The following BTBD8 variants were observed in gnomAD, a reference collection of about 807,000 sequenced individuals.
The protein encoded by BTBD8 is BTB domain containing 8.
Under a neutral mutation model 162.9 loss-of-function variants are expected in BTBD8, and 110 were observed. The observed-to-expected ratio is 0.68, with a 90% CI of 0.58 to 0.79. BTBD8 has a LOEUF of 0.79. BTBD8 is among the 30% of genes least tolerant of loss of function. The pLI, the probability that BTBD8 is intolerant of heterozygous loss-of-function variation, is 0.00. For missense variants in BTBD8, 1,905 were observed against 2,085.4 expected (o/e 0.91, Z 1.68); for synonymous variants, 667 against 716.1 (o/e 0.93, Z 1.10).
At chr1:92,102,745 C>G in intron 3 of BTBD8, 76 bp downstream of exon 3, 3 of 1,247,390 alleles carry the variant, frequency 2.4e-6, no homozygotes, top group Non-Finnish European at 3.1e-6. Context: ...GAAAAGCATA[C>G]TTCAAAAATA....
chr1:92,148,761 C>G (rs924419996), intron 9 of BTBD8, among the ~76,000 whole-genome samples: 2 of 152,134 alleles, frequency 1.3e-5, no homozygotes, highest in African/African-American at 4.8e-5. Flanking sequence ...TGTGGGGACA[C>G]AAGTATTGAT....
In BTBD8 at chr1:92,182,161, A is replaced by T; in HGVS notation, c.4478A>T (p.Glu1493Val). ...TCYSRFSRES[E>V]DNILECKQNK... is the part of the protein sequence containing the mutation. ...TATTCCAGATTCTCACGAGAAAGTG[A>T]AGATAATATTTTAGAATGTAAACAA... The change falls in exon 17 of 18, where the codon GAA becomes GTA. Residue 1493 changes from glutamate to valine, a missense_variant. Around this residue, in one of 3 missense-constraint regions of BTBD8, gnomAD observed 517 missense variants for 606.6 expected, o/e 0.85. Coordinates refer to ENST00000636805, the MANE Select transcript of BTBD8 (RefSeq NM_001376131.1). 2 of 1,551,120 alleles carry T rather than the reference A, an allele frequency of 1.3e-6. No homozygotes were observed. Among genetic ancestry groups the T allele is most frequent in the Non-Finnish European group, 1.7e-6 (2 of 1,146,634 alleles).
chr1:92,083,869 C>T (rs1648087326), intron 1 of BTBD8, among the ~76,000 whole-genome samples: 4 of 152,212 alleles, frequency 2.6e-5, no homozygotes, highest in Admixed American at 2.6e-4. Flanking sequence ...GAAAATGGCC[C>T]CAAATCTTAG....
chr1:92,139,441 CT>C lies in BTBD8; in HGVS notation c.833+16del, dbSNP rs34968647. 6.3e-7 allele frequency: 1 copy of C among 1,595,390 alleles called. No individual in the cohort carries two copies. Among genetic ancestry groups the C allele is most frequent in the Admixed American group, 1.8e-5 (1 of 55,942 alleles). ...CAAAACTAATGTTGGGTATGTATTC[CT>C]TTTTAATAATTTAAAATATAAAAGA... On this transcript the variant is annotated intron_variant, in intron 6 of 17. Transcript: ENST00000636805.
At chr1:92,176,780 T>C (rs1650722461) in intron 13 of BTBD8, 49 bp from the exon 14 acceptor site, 2 of 892,598 alleles carry the variant, frequency 2.2e-6, no homozygotes, top group East Asian at 5.6e-5. Context: ...AAATATTATA[T>C]GTTAAAGATT....
In BTBD8 at chr1:92,178,427, C is replaced by A; in HGVS notation, c.2557C>A (p.Pro853Thr). Residue 853 changes from proline to threonine, a missense_variant, in exon 16 of 18, where the codon CCA becomes ACA. This residue lies in a region of BTBD8 where 1,374 missense variants were observed against 1,442.7 expected (regional missense o/e 0.95). Transcript: ENST00000636805. ...AGCTCAGCAGAGGACAAAGAGTACC[C>A]CATCTAATCTTACTAAAACTCAAGG... ...TAAQQRTKST[P>T]SNLTKTQGSQ... 6.5e-7 allele frequency: 1 copy of A among 1,548,932 alleles called. No homozygotes were observed. The highest frequency in any genetic ancestry group is 1.2e-5 in the South Asian group (1 of 83,290).
In BTBD8 at chr1:92,106,386, C is replaced by A. The variant is rs569958225; in HGVS notation, c.545-1498C>A. On this transcript the variant is annotated intron_variant, in intron 3 of 17. Coordinates refer to ENST00000636805, the MANE Select transcript of BTBD8 (RefSeq NM_001376131.1). ...AAGGCAAAAGTGTACTCCTGCCAGG[C>A]GTGGTGGCTCACGCCTGTAATCCCA... Among the ~76,000 whole-genome samples, 514 of 152,118 alleles carry A rather than the reference C, an allele frequency of 3.4e-3. 6 individuals carry two copies. Among genetic ancestry groups the A allele is most frequent in the African/African-American group, 0.011 (448 of 41,498 alleles).
chr1:92,175,477 C>CAAAAAAAAAAAAAAAAAAAAAAAAAA (rs71091265), intron 13 of BTBD8, among the ~76,000 whole-genome samples: 1 of 37,438 alleles, frequency 2.7e-5, no homozygotes, highest in African/African-American at 9.8e-5. Context: ...GACTCCATCT[C>CAAAAAAAAAAAAAAAAAAAAAAAAAA]AAAAAAAAAA....
At chr1:92,091,603 C>T (rs943004603) in intron 2 of BTBD8, among the ~76,000 whole-genome samples, 1 of 151,764 alleles carries the variant, frequency 6.6e-6, no homozygotes, top group African/African-American at 2.4e-5. Context: ...GGCGCAATCT[C>T]GGCTCACTGC....
intron 9 of BTBD8, among the ~76,000 whole-genome samples, chr1:92,164,418 G>C (rs1650337417): frequency 6.6e-6 from 1 of 152,066 alleles, no homozygotes; most frequent in African/African-American, 2.4e-5. Flanking sequence ...AGGAGTTTCA[G>C]ACCAACCTGA....
chr1:92,083,220 C>T (rs967348727), intron 1 of BTBD8, among the ~76,000 whole-genome samples: 13 of 151,992 alleles, frequency 8.6e-5, no homozygotes, highest in Non-Finnish European at 1.6e-4. Flanking sequence ...TGCCCAGGGT[C>T]ACATAACCAG....
chr1:92,140,129 T>C (rs1649738990), intron 6 of BTBD8, among the ~76,000 whole-genome samples: 2 of 141,194 alleles, frequency 1.4e-5, no homozygotes, highest in South Asian at 4.6e-4. Flanking sequence ...AAAAAAAGAA[T>C]ATAGGGCATT....
At position 92,080,584 on chromosome 1, in the gene BTBD8, G is replaced by T. The variant is rs1296971555; in HGVS notation, c.13G>T (p.Gly5Trp). Residue 5 changes from glycine to tryptophan, a missense_variant, in exon 1 of 18, where the codon GGG becomes TGG. By Grantham distance (184) the Gly-to-Trp change is radical (BLOSUM62 -2). Transcript: ENST00000636805. ...ACCTCTGTGAGACATGGCTCGCTGT[G>T]GGGAAGGCAGTGCGGCCCCCATGGT... The part of the protein sequence containing the change: MARC[G>W]EGSAAPMVLL... 1 of 1,614,034 alleles carries T rather than the reference G, an allele frequency of 6.2e-7. No individual in the cohort carries two copies. Among genetic ancestry groups the T allele is most frequent in the Admixed American group, 1.7e-5 (1 of 60,016 alleles).
intron 9 of BTBD8, among the ~76,000 whole-genome samples, chr1:92,161,255 TCTC>T (rs1481088108): frequency 1.3e-5 from 2 of 152,200 alleles, no homozygotes; most frequent in Non-Finnish European, 1.5e-5. Flanking sequence ...TGATGTCACT[TCTC>T]CTCAAGCAGT....
chr1:92,162,550 T>C (rs559273339), intron 9 of BTBD8, among the ~76,000 whole-genome samples: 1 of 152,342 alleles, frequency 6.6e-6, no homozygotes. Flanking sequence ...CTTGGGGGTC[T>C]TGTTTAAATG....
chr1:92,180,027 G>A (rs893538923), intron 16 of BTBD8, among the ~76,000 whole-genome samples: 1 of 151,990 alleles, frequency 6.6e-6, no homozygotes, highest in Non-Finnish European at 1.5e-5. Flanking sequence ...TCCTATTTTA[G>A]TAATTTTTAC....
intron 9 of BTBD8, among the ~76,000 whole-genome samples, chr1:92,166,459 C>G (rs1004181223): frequency 1.6e-5 from 2 of 121,992 alleles, no homozygotes; most frequent in African/African-American, 3.2e-5. Flanking sequence ...GAGTCTTGCT[C>G]TGTCACCCAG....
At chr1:92,107,696 G>A (rs1446093297) in intron 3 of BTBD8, among the ~76,000 whole-genome samples, 188 bp from the exon 4 acceptor site, 1 of 151,936 alleles carries the variant, frequency 6.6e-6, no homozygotes, top group Non-Finnish European at 1.5e-5. Context: ...ACATGTAAGT[G>A]GAAATATATA....
At position 92,092,736 on chromosome 1, in the gene BTBD8, A is replaced by C. The variant is rs143860470; in HGVS notation, c.347+3841A>C. ...CTTATCTGTTTTGACTTTCATGAGA[A>C]GTCAGTTGGATTTTCGGGTTTTTAT... is the stretch of plus-strand genomic sequence containing the variant. On this transcript the variant is annotated intron_variant, in intron 2 of 17. Transcript: ENST00000636805. 1.8e-3 allele frequency among the ~76,000 whole-genome samples: 267 copies of C among 152,282 alleles called. 3 individuals are homozygous for C. The highest frequency in any genetic ancestry group is 5.9e-3 in the African/African-American group (244 of 41,568).
Sources: gnomAD v4.1 joint callset for allele counts (sites outside exome capture counted in the v4.1 genomes callset) on GRCh38, gnomAD v4.1.1 for gene constraint, gnomAD v4.1.1 regional missense constraint, MANE v1.5 for transcripts, NCBI Gene and HGNC (gene_info 2026-07-23, HGNC 2026-07-21) for gene names.